GLP2R: variants seen among roughly 807,000 people sequenced by gnomAD.
GLP2R encodes glucagon-like peptide 2 receptor.
Under a neutral mutation model 68.2 loss-of-function variants are expected in GLP2R, and 59 were observed. The ratio of observed to expected loss-of-function variants is 0.87; its 90% confidence interval spans 0.70 to 1.07. The LOEUF (loss-of-function observed/expected upper bound fraction) is 1.07, where lower values mean the gene tolerates loss of function less well. Among genes scored for constraint, GLP2R ranks in the 50% least tolerant of loss-of-function variants. GLP2R has a pLI of 0.00. For synonymous variants in GLP2R, 270 were observed against 265.4 expected (o/e 1.02, Z -0.17); for missense variants, 548 against 677.4 (o/e 0.81, Z 2.12).
Position 9,870,803 on chromosome 17 carries a change from T to C in GLP2R, c.1113T>C (p.Ala371=). ...AGCTTCTCATTTCTAAGCTCAAAGCTCATCAAATGTGCTTCAGAGATTATA... is the reference window on the plus strand; with the variant it reads ...AGCTTCTCATTTCTAAGCTCAAAGCCCATCAAATGTGCTTCAGAGATTATA... The part of the protein sequence containing the change: ...ILKLLISKLK[A]HQMCFRDYKY... Residue 371 remains alanine (A), a synonymous_variant, in exon 10 of 13, where the codon GCT becomes GCC. Coordinates refer to ENST00000262441, the MANE Select transcript of GLP2R (RefSeq NM_004246.3). 1 of 1,569,642 alleles carries C rather than the reference T, an allele frequency of 6.4e-7. No homozygotes were observed. Among genetic ancestry groups the C allele is most frequent in the Non-Finnish European group, 8.8e-7 (1 of 1,139,382 alleles).
intron 4 of GLP2R, among the ~76,000 whole-genome samples, chr17:9,851,334 C>T (rs2066889713): frequency 6.6e-6 from 1 of 152,186 alleles, no homozygotes; most frequent in Non-Finnish European, 1.5e-5. Flanking sequence ...CAAGGTGTTT[C>T]ATAGTCTATC....
At chr17:9,875,066 C>T (rs1224085597) in intron 10 of GLP2R, among the ~76,000 whole-genome samples, 1 of 152,142 alleles carries the variant, frequency 6.6e-6, no homozygotes, top group Non-Finnish European at 1.5e-5. Context: ...TTAGCTAATG[C>T]TTATTCATTA....
At chr17:9,851,795 G>A (rs557576966) in intron 4 of GLP2R, among the ~76,000 whole-genome samples, 2 of 151,992 alleles carry the variant, frequency 1.3e-5, no homozygotes, top group Admixed American at 1.3e-4. Context: ...TTTAAAAAAT[G>A]TTCTAAAAAG....
At chr17:9,873,555 A>ATTTTTTTTTTTTTTTTTTTT (rs1359984269) in intron 10 of GLP2R, among the ~76,000 whole-genome samples, 6 of 30,004 alleles carry the variant, frequency 2.0e-4, no homozygotes, top group Non-Finnish European at 3.3e-4. Context: ...CTATGCATGG[A>ATTTTTTTTTTTTTTTTTTTT]CTTTTTTTTT....
chr17:9,861,907 G>T (rs2066990767), intron 8 of GLP2R, 114 bp from the exon 9 acceptor site: 6 of 776,358 alleles, frequency 7.7e-6, no homozygotes, highest in South Asian at 7.5e-5. Context: ...GGACTGATTG[G>T]TGGGAAGTAG....
In GLP2R at chr17:9,891,427, T is replaced by C. The variant is rs1354293424; in HGVS notation, c.*1722T>C. 1.3e-5 allele frequency: 2 copies of C among 152,218 alleles called. No individual in the cohort carries two copies. Among genetic ancestry groups the C allele is most frequent in the Admixed American group, 6.5e-5 (1 of 15,280 alleles). 9.4% of individuals were successfully genotyped at this position (152,218 alleles called of 1,614,324 possible). ...AGCCATTTATAGAAATGAAATTTGATTGGAGCCAGGGGCAGGATAAGGGTG... is the reference window on the plus strand; with the variant it reads ...AGCCATTTATAGAAATGAAATTTGACTGGAGCCAGGGGCAGGATAAGGGTG... On this transcript the variant is annotated 3_prime_UTR_variant, in exon 13 of 13. Coordinates refer to ENST00000262441, the MANE Select transcript of GLP2R (RefSeq NM_004246.3).
At chr17:9,873,679 C>T (rs1380042116) in intron 10 of GLP2R, among the ~76,000 whole-genome samples, 1 of 150,098 alleles carries the variant, frequency 6.7e-6, no homozygotes, top group East Asian at 2.0e-4. Context: ...GTTGGATACC[C>T]CTGCTGCAGA....
chr17:9,833,835 C>T lies in GLP2R; in HGVS notation c.218C>T (p.Thr73Ile). The T allele has an allele frequency of 6.2e-7, 1 of 1,613,282 alleles. No individual in the cohort carries two copies. Among genetic ancestry groups the T allele is most frequent in the South Asian group, 1.1e-5 (1 of 91,008 alleles). The change falls in exon 2 of 13, where the codon ACT becomes ATT. Residue 73 changes from threonine (T) to isoleucine (I), a missense_variant. By Grantham distance (89) the Thr-to-Ile change is moderately conservative (BLOSUM62 -1). Transcript: ENST00000262441. ...QVTGSLLEETTRKWAQYKQAC... is the reference protein window; with the variant it reads ...QVTGSLLEETIRKWAQYKQAC... ...ACAGGATCCCTCCTTGAGGAAACGACTCGGAAGTGGGCTCAGTACAAACAG... is the reference window on the plus strand; with the variant it reads ...ACAGGATCCCTCCTTGAGGAAACGATTCGGAAGTGGGCTCAGTACAAACAG...
chr17:9,828,972 C>T (rs1310564629), intron 1 of GLP2R, among the ~76,000 whole-genome samples: 2 of 152,178 alleles, frequency 1.3e-5, no homozygotes, highest in African/African-American at 4.8e-5. Flanking sequence ...CATCTTAACC[C>T]CATATTCCTT....
chr17:9,841,594 C>A (rs765923609), intron 3 of GLP2R, among the ~76,000 whole-genome samples: 1 of 152,118 alleles, frequency 6.6e-6, no homozygotes, highest in South Asian at 2.1e-4. Context: ...ACGGGTTTGC[C>A]ATCCACTGAG....
intron 9 of GLP2R, 79 bp from the exon 10 acceptor site, chr17:9,870,668 C>A: frequency 1.3e-6 from 1 of 759,744 alleles, no homozygotes; most frequent in South Asian, 1.5e-5. Context: ...GAACTGATGG[C>A]CGAGCCCAGC....
rs1385532758 is a variant in GLP2R at position 9,887,919 on chromosome 17, C to T, written c.1285-13C>T. ...GGAGTCAGATTTTATGCCATGTCCT[C>T]CTTTTGTTTCAGGGGTTCCTGGTGG... On this transcript the variant is annotated splice_polypyrimidine_tract_variant and intron_variant, in intron 11 of 12. Transcript: ENST00000262441. 3.1e-6 allele frequency: 5 copies of T among 1,605,628 alleles called. No individual in the cohort carries two copies. The African/African-American group carries it at 6.7e-5, about 21-fold the overall frequency.
intron 4 of GLP2R, 119 bp downstream of exon 4, chr17:9,842,735 C>G (rs545235159): frequency 5.4e-6 from 6 of 1,110,958 alleles, no homozygotes; most frequent in Non-Finnish European, 7.7e-6. Flanking sequence ...CGCCTCTCCC[C>G]GGGGAAGCTA....
intron 4 of GLP2R, among the ~76,000 whole-genome samples, chr17:9,843,223 A>G (rs572182861): frequency 1.4e-3 from 212 of 152,348 alleles, no homozygotes; most frequent in African/African-American, 4.9e-3. Context: ...AAGAATGTTA[A>G]TAAGCCCCCA....
intron 2 of GLP2R, among the ~76,000 whole-genome samples, chr17:9,836,109 T>A (rs556848660): frequency 6.6e-6 from 1 of 151,510 alleles, no homozygotes; most frequent in Non-Finnish European, 1.5e-5. Flanking sequence ...ATCAGCATGA[T>A]GTGTACATTG....
intron 4 of GLP2R, among the ~76,000 whole-genome samples, chr17:9,850,988 C>T (rs1311286491): frequency 1.3e-5 from 2 of 152,080 alleles, no homozygotes; most frequent in Non-Finnish European, 2.9e-5. Flanking sequence ...AAGCACCATG[C>T]CCAGCTGATT....
At chr17:9,865,726 C>A in intron 9 of GLP2R, 1 of 446,852 alleles carries the variant, frequency 2.2e-6, no homozygotes, top group Non-Finnish European at 4.6e-6. Flanking sequence ...ACCCTCCACC[C>A]CCCTGCAATT....
At chr17:9,832,988 C>G (rs558741210) in intron 1 of GLP2R, among the ~76,000 whole-genome samples, 1 of 152,132 alleles carries the variant, frequency 6.6e-6, no homozygotes, top group South Asian at 2.1e-4. Flanking sequence ...CCGGGCCAGG[C>G]GCGGTGGCTC....
intron 10 of GLP2R, among the ~76,000 whole-genome samples, chr17:9,876,486 T>C (rs986407062): frequency 2.0e-5 from 3 of 152,218 alleles, no homozygotes; most frequent in African/African-American, 7.2e-5. Context: ...CTAATGGTTA[T>C]AAACTGGGGG....
Sources: allele counts gnomAD v4.1 joint callset (sites outside exome capture counted in the v4.1 genomes callset), GRCh38; gene constraint gnomAD v4.1.1; transcripts MANE v1.5; gene names NCBI Gene and HGNC (gene_info 2026-07-23, HGNC 2026-07-21).